PITPNC1: variants seen among roughly 807,000 people sequenced by gnomAD.
The protein encoded by PITPNC1 is phosphatidylinositol transfer protein cytoplasmic 1.
Under a neutral mutation model 44.7 loss-of-function variants are expected in PITPNC1, and 18 were observed. The ratio of observed to expected loss-of-function variants is 0.40; its 90% CI spans 0.28 to 0.60. The LOEUF (loss-of-function observed/expected upper bound fraction) is 0.60. PITPNC1 is among the 20% of genes least tolerant of loss of function. The pLI is 0.39. For synonymous variants in PITPNC1, 141 were observed against 149.6 expected, an observed-to-expected ratio of 0.94 and a Z score of 0.42; for missense variants, 290 against 418.4, an observed-to-expected ratio of 0.69 and a Z score of 2.68.
intron 1 of PITPNC1, among the ~76,000 whole-genome samples, chr17:67,451,641 TG>T (rs1409920703): frequency 0.011 from 1,694 of 150,882 alleles, 38 homozygotes; most frequent in African/African-American, 0.039. Context: ...TTTTTTTTTT[TG>T]TTTTGTTTTT....
At chr17:67,439,227 C>T (rs1418487383) in intron 1 of PITPNC1, among the ~76,000 whole-genome samples, 2 of 152,118 alleles carry the variant, frequency 1.3e-5, no homozygotes, top group African/African-American at 4.8e-5. Flanking sequence ...GATGAGCCTC[C>T]TAATGTTGAT....
intron 5 of PITPNC1, among the ~76,000 whole-genome samples, chr17:67,579,571 C>G (rs1316985885): frequency 6.7e-6 from 1 of 150,000 alleles, no homozygotes; most frequent in Non-Finnish European, 1.5e-5. Flanking sequence ...ATGCCTAAAA[C>G]AGTGTCACAC....
chr17:67,386,076 T>C (rs999924783), intron 1 of PITPNC1, among the ~76,000 whole-genome samples: 1 of 152,208 alleles, frequency 6.6e-6, no homozygotes, highest in African/African-American at 2.4e-5. Flanking sequence ...ACCTTGTGTC[T>C]GATTGCGTGA....
chr17:67,491,106 G>A (rs1435599089), intron 1 of PITPNC1, among the ~76,000 whole-genome samples: 2 of 152,222 alleles, frequency 1.3e-5, no homozygotes, highest in African/African-American at 4.8e-5. Flanking sequence ...AAGCCCATGG[G>A]AAAGTGAGAG....
intron 6 of PITPNC1, among the ~76,000 whole-genome samples, chr17:67,654,206 C>A (rs577468173): frequency 6.6e-6 from 1 of 152,320 alleles, no homozygotes; most frequent in East Asian, 1.9e-4. Context: ...CCAGTCATAA[C>A]ATCCCACAGA....
rs1374813320 is a variant in PITPNC1 at position 67,631,635 on chromosome 17, C to CAAAAA, written c.367-489_367-485dup. ...AAGAGTGAGACTCCGTCTCAAAAAC[C>CAAAAA]AAAAAAAAAAAAAAAAAAAAAAATA... On this transcript the variant is annotated intron_variant, in intron 5 of 8. Coordinates refer to ENST00000581322, the MANE Select transcript of PITPNC1 (RefSeq NM_012417.4). Among the ~76,000 whole-genome samples, 135 of 15,760 alleles carry CAAAAA rather than the reference C, an allele frequency of 8.6e-3. 42 individuals are homozygous for CAAAAA. Among genetic ancestry groups the CAAAAA allele is most frequent in the East Asian group, 0.03 (32 of 1,062 alleles). 10.3% of individuals were successfully genotyped at this position (15,760 alleles called of 152,430 possible). A position where few individuals can be genotyped will look rare whatever the true frequency, so the allele number is the denominator to read the frequency against.
At chr17:67,572,467 G>GT (rs2043059161) in intron 4 of PITPNC1, among the ~76,000 whole-genome samples, 1 of 62,900 alleles carries the variant, frequency 1.6e-5, no homozygotes, top group Non-Finnish European at 3.1e-5. Context: ...GCTGGGTAAA[G>GT]CGGGGGGGGG....
chr17:67,503,515 T>C (rs1211209690), intron 1 of PITPNC1, among the ~76,000 whole-genome samples: 1 of 152,072 alleles, frequency 6.6e-6, no homozygotes, highest in African/African-American at 2.4e-5. Context: ...CCTTGTATTT[T>C]CTCTGTAGGG....
intron 5 of PITPNC1, among the ~76,000 whole-genome samples, chr17:67,587,402 G>A (rs2041334262): frequency 6.6e-6 from 1 of 152,176 alleles, no homozygotes; most frequent in African/African-American, 2.4e-5. Flanking sequence ...GCTGAGGTGG[G>A]AGGATCGCTT....
intron 2 of PITPNC1, among the ~76,000 whole-genome samples, chr17:67,540,534 A>C (rs2040592219): frequency 6.6e-6 from 1 of 152,262 alleles, no homozygotes. Flanking sequence ...ATTTAAAAAT[A>C]AAATCGAAAA....
rs779233262 is a variant in PITPNC1, at chr17:67,377,948, G to A, written c.-207G>A. ...CCGGCCTCGGCGAGGGAGGAGGCGGGGGAGCTGCGAACACCCAGACCCAAA... is the reference window on the plus strand; with the variant it reads ...CCGGCCTCGGCGAGGGAGGAGGCGGAGGAGCTGCGAACACCCAGACCCAAA... On this transcript the variant is annotated 5_prime_UTR_variant, in exon 1 of 9. Coordinates refer to ENST00000581322, the MANE Select transcript of PITPNC1 (RefSeq NM_012417.4). 18 of 412,288 alleles carry A rather than the reference G, an allele frequency of 4.4e-5. No homozygotes were observed. Among genetic ancestry groups the A allele is most frequent in the South Asian group, 1.9e-4 (3 of 16,030 alleles). 25.5% of individuals were successfully genotyped at this position (412,288 alleles called of 1,614,324 possible).
intron 6 of PITPNC1, among the ~76,000 whole-genome samples, chr17:67,655,403 A>T (rs920586170): frequency 9.9e-5 from 15 of 151,450 alleles, no homozygotes; most frequent in African/African-American, 3.4e-4. Context: ...CTAAAAACAC[A>T]AAAAAAATTA....
At chr17:67,686,113 G>A (rs2042810844) in intron 8 of PITPNC1, among the ~76,000 whole-genome samples, 1 of 151,780 alleles carries the variant, frequency 6.6e-6, no homozygotes, top group Admixed American at 6.6e-5. Context: ...TTACAGGCAT[G>A]AGCCACCATG....
chr17:67,494,265 A>G (rs925096265), intron 1 of PITPNC1, among the ~76,000 whole-genome samples: 1 of 141,546 alleles, frequency 7.1e-6, no homozygotes, highest in Admixed American at 7.3e-5. Flanking sequence ...CAGTGGCGCA[A>G]TCTTGACTCA....
intron 1 of PITPNC1, among the ~76,000 whole-genome samples, chr17:67,479,085 C>G (rs1442291443): frequency 6.6e-6 from 1 of 152,020 alleles, no homozygotes; most frequent in Admixed American, 6.6e-5. Context: ...TCTCCCGATC[C>G]AAACCACCCC....
intron 2 of PITPNC1, among the ~76,000 whole-genome samples, chr17:67,533,544 G>T (rs910385718): frequency 6.6e-6 from 1 of 152,170 alleles, no homozygotes; most frequent in South Asian, 2.1e-4. Flanking sequence ...TCATCCCTTG[G>T]TTCAGTGTTA....
At chr17:67,386,759 G>A (rs2038060253) in intron 1 of PITPNC1, among the ~76,000 whole-genome samples, 1 of 152,148 alleles carries the variant, frequency 6.6e-6, no homozygotes, top group African/African-American at 2.4e-5. Context: ...CTGTTGCCTG[G>A]AGGTCTGTAG....
chr17:67,615,132 G>A (rs996210475), intron 5 of PITPNC1, among the ~76,000 whole-genome samples: 13 of 152,210 alleles, frequency 8.5e-5, no homozygotes, highest in Admixed American at 2.0e-4. Flanking sequence ...GCAGGGGCCC[G>A]TGGAGCTCAG....
intron 5 of PITPNC1, among the ~76,000 whole-genome samples, chr17:67,600,592 G>C (rs1247149073): frequency 6.6e-6 from 1 of 152,010 alleles, no homozygotes; most frequent in African/African-American, 2.4e-5. Flanking sequence ...TACAACTGAA[G>C]AGATAATTAG....
Sources: gnomAD v4.1 joint callset for allele counts (sites outside exome capture counted in the v4.1 genomes callset) on GRCh38, gnomAD v4.1.1 for gene constraint, MANE v1.5 for transcripts, NCBI Gene and HGNC (gene_info 2026-07-23, HGNC 2026-07-21) for gene names.